The following L3MBTL4 variants were observed in gnomAD, a reference collection of about 807,000 sequenced individuals.
L3MBTL4 encodes lethal(3)malignant brain tumor-like protein 4.
A neutral mutation model predicts 84.5 loss-of-function variants in L3MBTL4; 70 were observed. The observed-to-expected ratio is 0.83, with a 90% CI of 0.68 to 1.01. The LOEUF is 1.01. L3MBTL4 is among the 50% of genes least tolerant of loss of function. The pLI is 0.00. For missense variants in L3MBTL4, 715 were observed against 754.8 expected (o/e 0.95, Z 0.62); for synonymous variants, 274 against 259.8 (o/e 1.05, Z -0.52).
At chr18:6,277,618 G>A (rs1374340758) in intron 4 of L3MBTL4, among the ~76,000 whole-genome samples, 1 of 152,182 alleles carries the variant, frequency 6.6e-6, no homozygotes, top group South Asian at 2.1e-4. Flanking sequence ...GAGCTGTCAT[G>A]TTTGTGGTAT....
At chr18:6,190,115 T>G (rs1320812805) in intron 12 of L3MBTL4, among the ~76,000 whole-genome samples, 1 of 151,918 alleles carries the variant, frequency 6.6e-6, no homozygotes. Flanking sequence ...ACAAAAGATA[T>G]AGAGATTGCC....
intron 7 of L3MBTL4, among the ~76,000 whole-genome samples, chr18:6,242,870 GTTCT>G (rs2047509481): frequency 6.6e-6 from 1 of 152,110 alleles, no homozygotes; most frequent in South Asian, 2.1e-4. Flanking sequence ...TTTTTTCATA[GTTCT>G]TTGTTTTCCG....
intron 14 of L3MBTL4, among the ~76,000 whole-genome samples, chr18:6,114,670 T>G (rs1046494488): frequency 3.3e-5 from 5 of 152,240 alleles, no homozygotes; most frequent in African/African-American, 1.2e-4. Flanking sequence ...TATCTGCCAT[T>G]TGATTTATCT....
At chr18:6,149,312 C>A (rs1162210293) in intron 13 of L3MBTL4, among the ~76,000 whole-genome samples, 2 of 150,476 alleles carry the variant, frequency 1.3e-5, no homozygotes, top group African/African-American at 4.9e-5. Flanking sequence ...GGTTTTTTGT[C>A]CTTGCGATAG....
chr18:6,242,241 C>T lies in L3MBTL4; in HGVS notation c.461-792G>A, dbSNP rs147293467. 7.2e-5 allele frequency among the ~76,000 whole-genome samples: 11 copies of T among 152,252 alleles called. No individual in the cohort carries two copies. In the East Asian group the frequency reaches 1.7e-3, roughly 24 times the overall value. On this transcript the variant is annotated intron_variant, in intron 7 of 18. Coordinates refer to ENST00000317931, the MANE Select transcript of L3MBTL4 (RefSeq NM_001330559.2). ...TCATCCTCGCAAAGCGCACTCCTGC[C>T]CCGGCGCCTGCTCCTGTTCTTCCCT...
At position 6,093,490 on chromosome 18, in the gene L3MBTL4, T is replaced by C. The variant is rs1462399330; in HGVS notation, c.1238A>G (p.Lys413Arg). 3.1e-6 allele frequency: 5 copies of C among 1,613,120 alleles called. No individual in the cohort carries two copies. In the Admixed American group the frequency reaches 5.0e-5, roughly 16 times the overall value. The change falls in exon 15 of 19, where the codon AAG (lysine) becomes AGG (arginine). Residue 413 changes from lysine to arginine, a missense_variant. Transcript: ENST00000317931. ...CAAACGATCGTGAAGTGTTGCCTCC[T>C]TTTTCAAGTTCATGTCTGAATACGG... The part of the protein sequence containing the change: ...GCPYSDMNLK[K>R]EATLHDRLRE...
intron 4 of L3MBTL4, among the ~76,000 whole-genome samples, chr18:6,300,586 G>A (rs1260985492): frequency 1.3e-5 from 2 of 152,234 alleles, no homozygotes; most frequent in South Asian, 2.1e-4. Context: ...TAATGAAACC[G>A]TAAATACTAA....
rs143286450 is a variant in L3MBTL4 at position 6,119,217 on chromosome 18, C to T, written c.1199+18977G>A. 4.1e-4 allele frequency among the ~76,000 whole-genome samples: 63 copies of T among 152,052 alleles called. 1 individual carries two copies. Among genetic ancestry groups the T allele is most frequent in the African/African-American group, 1.4e-3 (60 of 41,464 alleles). On this transcript the variant is annotated intron_variant, in intron 14 of 18. Transcript: ENST00000317931. ...TGACTTGATTTTTTTAGAAATATGA[C>T]AGCCAGGAGCACTGTACTAAAATCC...
At chr18:6,050,073 A>G (rs2056785453) in intron 16 of L3MBTL4, among the ~76,000 whole-genome samples, 1 of 152,340 alleles carries the variant, frequency 6.6e-6, no homozygotes, top group African/African-American at 2.4e-5. Flanking sequence ...ACTGAGTATT[A>G]TAAGTAAGAA....
intron 1 of L3MBTL4, among the ~76,000 whole-genome samples, chr18:6,394,013 G>A (rs1299827488): frequency 6.6e-6 from 1 of 151,408 alleles, no homozygotes; most frequent in South Asian, 2.1e-4. Flanking sequence ...AGGTCCATTC[G>A]AGCTGCTCCT....
intron 14 of L3MBTL4, among the ~76,000 whole-genome samples, chr18:6,116,492 T>C (rs2059365277): frequency 1.3e-5 from 2 of 151,822 alleles, no homozygotes; most frequent in South Asian, 4.2e-4. Flanking sequence ...GCCTCCCAAT[T>C]ATCTAGGATT....
At chr18:6,152,934 T>A (rs1434888472) in intron 13 of L3MBTL4, among the ~76,000 whole-genome samples, 1 of 152,206 alleles carries the variant, frequency 6.6e-6, no homozygotes, top group Non-Finnish European at 1.5e-5. Context: ...AAGGGTCCAA[T>A]TTCATTCTTC....
intron 1 of L3MBTL4, among the ~76,000 whole-genome samples, chr18:6,340,324 G>C (rs2052546956): frequency 6.6e-6 from 1 of 152,120 alleles, no homozygotes; most frequent in Admixed American, 6.5e-5. Context: ...AAATCTGACA[G>C]TAGATGCATT....
intron 1 of L3MBTL4, among the ~76,000 whole-genome samples, chr18:6,371,334 T>G (rs1374142471): frequency 2.0e-5 from 3 of 152,144 alleles, no homozygotes; most frequent in African/African-American, 7.2e-5. Flanking sequence ...AGCGGAGTTC[T>G]GGAAATGCCT....
intron 1 of L3MBTL4, among the ~76,000 whole-genome samples, chr18:6,366,799 C>G (rs1001096850): frequency 1.3e-5 from 2 of 152,242 alleles, no homozygotes; most frequent in African/African-American, 4.8e-5. Context: ...CAGACTTTCT[C>G]TCATCATTTG....
chr18:6,208,310 G>T (rs111674258), intron 12 of L3MBTL4, among the ~76,000 whole-genome samples: 1,788 of 152,070 alleles, frequency 0.012, 38 homozygotes, highest in African/African-American at 0.04. Context: ...GAACTTATTG[G>T]TCTGACATAA....
intron 1 of L3MBTL4, among the ~76,000 whole-genome samples, chr18:6,376,325 C>T (rs1429294277): frequency 6.6e-6 from 1 of 152,252 alleles, no homozygotes; most frequent in African/African-American, 2.4e-5. Context: ...AGTAGCACCC[C>T]CTGACTCGCT....
chr18:6,118,208 A>AACACACACAC (rs60207558), intron 14 of L3MBTL4, among the ~76,000 whole-genome samples: 58 of 141,832 alleles, frequency 4.1e-4, no homozygotes, highest in African/African-American at 1.4e-3. Flanking sequence ...AACACACACA[A>AACACACACAC]ACACACACAC....
At chr18:6,108,902 A>T (rs1303670839) in intron 14 of L3MBTL4, among the ~76,000 whole-genome samples, 1 of 152,234 alleles carries the variant, frequency 6.6e-6, no homozygotes, top group Non-Finnish European at 1.5e-5. Context: ...TTTAAAGTGT[A>T]CAGAAGAATA....
Sources: gnomAD v4.1 joint callset for allele counts (sites outside exome capture counted in the v4.1 genomes callset) on GRCh38, gnomAD v4.1.1 for gene constraint, MANE v1.5 for transcripts, NCBI Gene and HGNC (gene_info 2026-07-23, HGNC 2026-07-21) for gene names.